DDHD1: variants seen among roughly 807,000 people sequenced by gnomAD.
The protein encoded by DDHD1 is phospholipase DDHD1.
In DDHD1, 49 loss-of-function variants were observed where a neutral mutation model predicts 96.4. The ratio of observed to expected loss-of-function variants is 0.51; its 90% CI spans 0.40 to 0.64. DDHD1 has a LOEUF of 0.64. Ranked by LOEUF, DDHD1 falls within the 30% of genes least tolerant of loss-of-function variation. The probability of loss-of-function intolerance (pLI) is 0.00; values close to 1 mark genes in which losing one functional copy is unlikely to be tolerated. For synonymous variants in DDHD1, 442 were observed against 446.5 expected (o/e 0.99, Z 0.13); for missense variants, 1,106 against 1,161.2 (o/e 0.95, Z 0.69).
intron 1 of DDHD1, among the ~76,000 whole-genome samples, chr14:53,136,541 C>T (rs1238930519): frequency 2.6e-5 from 4 of 152,152 alleles, no homozygotes; most frequent in African/African-American, 9.7e-5. Context: ...TAGCTGAGTA[C>T]TGGCTTATGC....
chr14:53,123,167 G>A (rs886710955), intron 1 of DDHD1, among the ~76,000 whole-genome samples: 9 of 143,376 alleles, frequency 6.3e-5, no homozygotes, highest in African/African-American at 2.4e-4. Flanking sequence ...ATTATTTTGA[G>A]ATGGAGTATT....
intron 10 of DDHD1, 110 bp from the exon 11 acceptor site, chr14:53,054,739 T>C: frequency 9.7e-7 from 1 of 1,028,908 alleles, no homozygotes; most frequent in Non-Finnish European, 1.4e-6. Context: ...ACCCTAGTCA[T>C]GTTTTTCCAG....
chr14:53,056,207 G>A (rs1003531195), intron 9 of DDHD1, among the ~76,000 whole-genome samples: 4 of 152,090 alleles, frequency 2.6e-5, no homozygotes, highest in Non-Finnish European at 1.5e-5. Flanking sequence ...AGTCTTAGGA[G>A]CAAAGTTGAA....
At chr14:53,116,769 C>G (rs753379186) in intron 1 of DDHD1, among the ~76,000 whole-genome samples, 3 of 152,046 alleles carry the variant, frequency 2.0e-5, no homozygotes, top group Non-Finnish European at 2.9e-5. Context: ...CATCAGAAAG[C>G]AAGAAAGACA....
rs372045748 is a variant in DDHD1 at position 53,119,731 on chromosome 14, C to T, written c.839-15875G>A. Among the ~76,000 whole-genome samples the T allele has an allele frequency of 2.3e-4, 35 of 152,170 alleles. No homozygotes were observed. In the East Asian group the frequency reaches 2.3e-3, roughly 10 times the overall value. ...ATAATTATCTCAATCGATGCAGAAA[C>T]GGTCTTTGATAAAATTCAACATAAC... On this transcript the variant is annotated intron_variant, in intron 1 of 12. Transcript: ENST00000673822.
chr14:53,082,176 A>G (rs1300465975), intron 4 of DDHD1, among the ~76,000 whole-genome samples: 1 of 152,218 alleles, frequency 6.6e-6, no homozygotes, highest in Non-Finnish European at 1.5e-5. Flanking sequence ...GTCCTGTTAT[A>G]AGCTTATTTC....
In DDHD1 at chr14:53,051,942, C is replaced by T. The variant is rs779929490; in HGVS notation, c.2438-15G>A. On this transcript the variant is annotated splice_polypyrimidine_tract_variant and intron_variant, in intron 11 of 12. Transcript: ENST00000673822. ...AAGTCTGAAATCTGTGAAAAAAAAACACAAGATGCTGTAAAGGGTTGGCTG... is the reference window on the plus strand; with the variant it reads ...AAGTCTGAAATCTGTGAAAAAAAAATACAAGATGCTGTAAAGGGTTGGCTG... 6.5e-6 allele frequency: 10 copies of T among 1,547,198 alleles called. No individual in the cohort carries two copies. The African/African-American group carries it at 1.2e-4, about 19-fold the overall frequency.
In DDHD1 at chr14:53,046,949, A is replaced by G. The variant is rs569886453; in HGVS notation, c.2522T>C (p.Val841Ala). ...NVMQNKDNAL[V>A]ELDHRIDFEL... ...AAAATCAATCCTGTGATCCAACTCCACTAAAAAGAAAAGAAGTTAAACAAA... is the reference window on the plus strand; with the variant it reads ...AAAATCAATCCTGTGATCCAACTCCGCTAAAAAGAAAAGAAGTTAAACAAA... Residue 841 changes from valine to alanine, a missense_variant and splice_region_variant, in exon 13 of 13, where the codon GTG becomes GCG. Val to Ala is a moderately conservative substitution (Grantham distance 64). Transcript: ENST00000673822. The G allele has an allele frequency of 1.7e-5, 27 of 1,599,750 alleles. No homozygotes were observed. The East Asian group carries it at 5.6e-4, about 33-fold the overall frequency.
intron 1 of DDHD1, among the ~76,000 whole-genome samples, chr14:53,120,266 C>T (rs116806609): frequency 0.011 from 1,620 of 152,122 alleles, 32 homozygotes; most frequent in African/African-American, 0.035. Flanking sequence ...GTCTTCAAGA[C>T]GAACTACAAA....
chr14:53,147,702 G>GTACC (rs1466500178), intron 1 of DDHD1, among the ~76,000 whole-genome samples: 1 of 152,146 alleles, frequency 6.6e-6, no homozygotes, highest in Non-Finnish European at 1.5e-5. Flanking sequence ...TGTAAACCGA[G>GTACC]CAGTCAGGGT....
At chr14:53,077,931 C>G (rs10147715) in intron 4 of DDHD1, among the ~76,000 whole-genome samples, 1 of 152,154 alleles carries the variant, frequency 6.6e-6, no homozygotes, top group East Asian at 1.9e-4. Context: ...GTTTTCAAGT[C>G]TCATCCATGT....
intron 1 of DDHD1, among the ~76,000 whole-genome samples, chr14:53,131,805 T>C (rs1889885305): frequency 6.6e-6 from 1 of 152,154 alleles, no homozygotes; most frequent in Admixed American, 6.5e-5. Context: ...GACACCCTCC[T>C]GCTCCTCCAA....
chr14:53,080,489 A>G (rs1428043040), intron 4 of DDHD1, among the ~76,000 whole-genome samples: 1 of 152,198 alleles, frequency 6.6e-6, no homozygotes, highest in African/African-American at 2.4e-5. Context: ...ACGATTTTAC[A>G]TATTAAGAAT....
intron 11 of DDHD1, chr14:53,053,925 TC>T (rs1882822454): frequency 6.6e-6 from 1 of 152,298 alleles, no homozygotes; most frequent in Non-Finnish European, 1.5e-5. Context: ...ATTTATTTAC[TC>T]ATTTTTTCAA....
intron 10 of DDHD1, 80 bp downstream of exon 10, chr14:53,055,580 A>T (rs1371878988): frequency 7.4e-7 from 1 of 1,360,052 alleles, no homozygotes; most frequent in East Asian, 2.4e-5. Flanking sequence ...TTCCTAATAC[A>T]TAGAATACTT....
At chr14:53,128,016 A>G (rs1889581317) in intron 1 of DDHD1, among the ~76,000 whole-genome samples, 1 of 152,144 alleles carries the variant, frequency 6.6e-6, no homozygotes, top group Non-Finnish European at 1.5e-5. Context: ...GCCCCATGCT[A>G]TTCTGACAGT....
chr14:53,090,028 A>G (rs1274419340), intron 4 of DDHD1, among the ~76,000 whole-genome samples: 1 of 152,222 alleles, frequency 6.6e-6, no homozygotes, highest in African/African-American at 2.4e-5. Flanking sequence ...AATTGACAAG[A>G]AAAAGTCAAA....
intron 1 of DDHD1, among the ~76,000 whole-genome samples, chr14:53,116,076 C>T (rs974166599): frequency 6.6e-6 from 1 of 152,096 alleles, no homozygotes; most frequent in Admixed American, 6.6e-5. Context: ...GGGTTGCAAT[C>T]CTAATCTCTA....
intron 1 of DDHD1, among the ~76,000 whole-genome samples, chr14:53,142,975 T>C (rs1415858772): frequency 6.6e-6 from 1 of 152,214 alleles, no homozygotes; most frequent in East Asian, 1.9e-4. Flanking sequence ...TTTGGAAGAA[T>C]AGGCAGGAAG....
Sources: allele counts gnomAD v4.1 joint callset (sites outside exome capture counted in the v4.1 genomes callset), GRCh38; gene constraint gnomAD v4.1.1; transcripts MANE v1.5; gene names NCBI Gene and HGNC (gene_info 2026-07-23, HGNC 2026-07-21).